PCCB: variants seen among roughly 807,000 people sequenced by gnomAD.
PCCB encodes the protein propionyl-CoA carboxylase subunit beta, also known as propionyl-CoA carboxylase beta chain, mitochondrial.
PCCB carries 43 observed loss-of-function variants against 60.7 expected under a neutral mutation model. The ratio of observed to expected loss-of-function variants is 0.71; its 90% confidence interval spans 0.55 to 0.91. The LOEUF is 0.91. PCCB is among the 40% of genes least tolerant of loss of function. PCCB has a pLI of 0.00. For synonymous variants in PCCB, 276 were observed against 255.9 expected (o/e 1.08, Z -0.75); for missense variants, 766 against 702.8 (o/e 1.09, Z -1.02).
intron 9 of PCCB, among the ~76,000 whole-genome samples, chr3:136,308,233 A>ATTTTT: frequency 1.3e-5 from 1 of 76,854 alleles, no homozygotes; most frequent in African/African-American, 5.7e-5. Context: ...ATAAGGAAGG[A>ATTTTT]CTTTTTTTTT....
chr3:136,314,000 A>G (rs1204708773), intron 9 of PCCB, among the ~76,000 whole-genome samples: 4 of 152,000 alleles, frequency 2.6e-5, no homozygotes, highest in Non-Finnish European at 4.4e-5. Context: ...ATGGTTTTTC[A>G]TATAGCTGGA....
chr3:136,327,380 C>G (rs1935361229), intron 12 of PCCB, 125 bp downstream of exon 12: 1 of 792,284 alleles, frequency 1.3e-6, no homozygotes, highest in Admixed American at 2.0e-5. Context: ...AAAAAGATCT[C>G]TTGAGGATGT....
At position 136,264,448 on chromosome 3, in the gene PCCB, G is replaced by GTGTATATATATATATATA. The variant is rs1015530159; in HGVS notation, c.543+2384_543+2385insGTATATATATATATATAT. ...CATATATATGTGTGTGTGTATATAT[G>GTGTATATATATATATATA]TATATATATATATGTTCCTCCTGGC... On this transcript the variant is annotated intron_variant, in intron 5 of 14. Coordinates refer to ENST00000251654, the MANE Select transcript of PCCB (RefSeq NM_000532.5). Among the ~76,000 whole-genome samples, 125 of 107,286 alleles carry GTGTATATATATATATATA rather than the reference G, an allele frequency of 1.2e-3. 3 individuals are homozygous for GTGTATATATATATATATA. The East Asian group carries it at 0.015, about 13-fold the overall frequency. 70.4% of individuals were successfully genotyped at this position (107,286 alleles called of 152,430 possible). A position where few individuals can be genotyped will look rare whatever the true frequency, so the allele number is the denominator to read the frequency against.
intron 10 of PCCB, 60 bp downstream of exon 10, chr3:136,317,124 C>T (rs1377700112): frequency 1.3e-6 from 2 of 1,581,656 alleles, no homozygotes; most frequent in Non-Finnish European, 1.7e-6. Flanking sequence ...AGCCTGGGTC[C>T]ATGGTATCCT....
In PCCB at chr3:136,262,063, C is replaced by T. The variant is rs991870747; in HGVS notation, c.541C>T (p.Leu181=). The T allele has an allele frequency of 4.6e-6, 7 of 1,536,458 alleles. No individual in the cohort carries two copies. Among genetic ancestry groups the T allele is most frequent in the Non-Finnish European group, 6.2e-6 (7 of 1,132,076 alleles). The change falls in exon 5 of 15, where the codon CTG becomes TTG. Residue 181 remains leucine (L), a splice_region_variant and synonymous_variant. Coordinates refer to ENST00000251654, the MANE Select transcript of PCCB (RefSeq NM_000532.5). ...ESLAGYADIF[L]RNVTASGVIP... is the part of the protein sequence containing the mutation. ...TTTGGCTGGCTATGCAGACATCTTT[C>T]TGGTGAGAAACCTGTTAATAGAGAA...
chr3:136,252,114 T>C (rs1265839029), intron 1 of PCCB, among the ~76,000 whole-genome samples: 1 of 151,808 alleles, frequency 6.6e-6, no homozygotes, highest in Non-Finnish European at 1.5e-5. Context: ...ACGCCTGACC[T>C]CAAGTGATTC....
chr3:136,293,306 T>G (rs532966063), intron 6 of PCCB, among the ~76,000 whole-genome samples: 2 of 152,332 alleles, frequency 1.3e-5, no homozygotes, highest in African/African-American at 4.8e-5. Context: ...ACCCACTGAT[T>G]TATCAATATT....
chr3:136,257,901 C>T (rs536222472), intron 3 of PCCB, among the ~76,000 whole-genome samples: 21 of 152,158 alleles, frequency 1.4e-4, no homozygotes, highest in South Asian at 4.2e-4. Flanking sequence ...CCACTGCACT[C>T]GAGCCTGGGT....
At chr3:136,259,181 A>G in intron 3 of PCCB, 4 of 1,462,904 alleles carry the variant, frequency 2.7e-6, no homozygotes, top group South Asian at 1.4e-5. Flanking sequence ...AACAGCAAAT[A>G]ATAGGCTGGG....
At chr3:136,299,181 A>C (rs1176535027) in intron 8 of PCCB, among the ~76,000 whole-genome samples, 1 of 151,650 alleles carries the variant, frequency 6.6e-6, no homozygotes, top group Non-Finnish European at 1.5e-5. Flanking sequence ...ATATGATTCC[A>C]AGGGAGATAT....
At chr3:136,322,662 G>A (rs1935148998) in intron 10 of PCCB, among the ~76,000 whole-genome samples, 1 of 152,084 alleles carries the variant, frequency 6.6e-6, no homozygotes. Context: ...TTTTATATTT[G>A]CCCATGTAGT....
At chr3:136,326,058 C>T (rs142845172) in intron 10 of PCCB, among the ~76,000 whole-genome samples, 6 of 152,208 alleles carry the variant, frequency 3.9e-5, no homozygotes, top group African/African-American at 4.8e-5. Flanking sequence ...GTGATCTGCC[C>T]GCCTCGGCCT....
intron 10 of PCCB, among the ~76,000 whole-genome samples, chr3:136,325,469 C>T (rs1935271808): frequency 6.6e-6 from 1 of 151,968 alleles, no homozygotes; most frequent in South Asian, 2.1e-4. Context: ...GATTCTCCTT[C>T]CTCAAGCCTT....
chr3:136,280,305 C>T (rs1482175126), intron 5 of PCCB, among the ~76,000 whole-genome samples: 1 of 152,094 alleles, frequency 6.6e-6, no homozygotes, highest in African/African-American at 2.4e-5. Context: ...GATAGTTTTG[C>T]TGGATATAAA....
chr3:136,274,047 C>T (rs1435720895), intron 5 of PCCB, among the ~76,000 whole-genome samples: 1 of 151,000 alleles, frequency 6.6e-6, no homozygotes, highest in East Asian at 1.9e-4. Flanking sequence ...CTCTTGAAGA[C>T]AGCAGATATT....
chr3:136,312,138 AT>A (rs1478423509), intron 9 of PCCB, among the ~76,000 whole-genome samples: 10 of 152,348 alleles, frequency 6.6e-5, no homozygotes, highest in Admixed American at 2.6e-4. Context: ...TACATACAGA[AT>A]TTTAGTACAG....
Position 136,255,899 on chromosome 3 carries a change from C to G in PCCB, c.227C>G (p.Pro76Arg). The stretch of plus-strand genomic sequence containing the variant: ...GAGAGGATCAGTCTCTTGCTGGACC[C>G]TGGCAGCTTTGTTGAGAGCGACATG... Reference protein sequence around the residue: ...ARERISLLLDPGSFVESDMFV... With the variant: ...ARERISLLLDRGSFVESDMFV... The change falls in exon 2 of 15, where the codon CCT (proline) becomes CGT (arginine). Residue 76 changes from proline to arginine, a missense_variant. Physicochemically the swap from Pro to Arg is moderately radical, Grantham distance 103. Transcript: ENST00000251654. The G allele has an allele frequency of 6.2e-7, 1 of 1,614,024 alleles. No individual in the cohort carries two copies. Among genetic ancestry groups the G allele is most frequent in the Non-Finnish European group, 8.5e-7 (1 of 1,179,980 alleles).
At chr3:136,323,184 C>G (rs570480395) in intron 10 of PCCB, among the ~76,000 whole-genome samples, 2 of 152,216 alleles carry the variant, frequency 1.3e-5, no homozygotes, top group Admixed American at 6.5e-5. Flanking sequence ...CAGATTATCT[C>G]CTTGCCACTT....
intron 6 of PCCB, among the ~76,000 whole-genome samples, chr3:136,290,846 T>C (rs761471917): frequency 3.3e-5 from 5 of 151,572 alleles, no homozygotes; most frequent in Admixed American, 6.6e-5. Flanking sequence ...TTACATCGTT[T>C]GTAATTTGTG....
Sources: allele counts gnomAD v4.1 joint callset (sites outside exome capture counted in the v4.1 genomes callset), GRCh38; gene constraint gnomAD v4.1.1; transcripts MANE v1.5; gene names NCBI Gene and HGNC (gene_info 2026-07-23, HGNC 2026-07-21).